The following PPIH variants were observed in gnomAD, a reference collection of about 807,000 sequenced individuals.
PPIH encodes the protein peptidylprolyl isomerase H.
Under a neutral mutation model 27.6 loss-of-function variants are expected in PPIH, and 16 were observed. The observed-to-expected ratio is 0.58, with a 90% CI of 0.39 to 0.88. The LOEUF (loss-of-function observed/expected upper bound fraction) is 0.88, where lower values mean the gene tolerates loss of function less well. Among genes scored for constraint, PPIH ranks in the 40% least tolerant of loss-of-function variants. The pLI is 0.00. For synonymous variants in PPIH, 63 were observed against 76.1 expected, an observed-to-expected ratio of 0.83 and a Z score of 0.90; for missense variants, 155 against 224.1, an observed-to-expected ratio of 0.69 and a Z score of 1.97.
intron 9 of PPIH, among the ~76,000 whole-genome samples, chr1:42,671,830 G>T (rs1428480951): frequency 1.3e-5 from 2 of 151,846 alleles, no homozygotes; most frequent in Non-Finnish European, 2.9e-5. Flanking sequence ...GAGCAGGGGT[G>T]TGGAGGGAAG....
At chr1:42,671,596 C>T (rs1649638761) in intron 9 of PPIH, among the ~76,000 whole-genome samples, 1 of 152,160 alleles carries the variant, frequency 6.6e-6, no homozygotes, top group Non-Finnish European at 1.5e-5. Flanking sequence ...ATAATTAAAG[C>T]AGTTATCCTT....
intron 9 of PPIH, among the ~76,000 whole-genome samples, chr1:42,675,569 T>C (rs1458778207): frequency 6.6e-6 from 1 of 152,262 alleles, no homozygotes; most frequent in African/African-American, 2.4e-5. Flanking sequence ...AGTACATTTA[T>C]ACATTTTCAT....
downstream of PPIH, among the ~76,000 whole-genome samples, chr1:42,678,332 A>C (rs1247610256): frequency 6.6e-6 from 1 of 152,170 alleles, no homozygotes; most frequent in Non-Finnish European, 1.5e-5. Flanking sequence ...GATAGGAGAC[A>C]GGGACAGTTT....
chr1:42,675,294 C>T (rs969410802), intron 9 of PPIH: 1 of 152,172 alleles, frequency 6.6e-6, no homozygotes, highest in Non-Finnish European at 1.5e-5. Context: ...CCAGCACTTC[C>T]CAGGAGCCTG....
Position 42,659,617 on chromosome 1 carries a change from G to A in PPIH, c.200+51G>A, listed in dbSNP as rs199679895. 523 of 1,582,280 alleles carry A rather than the reference G, an allele frequency of 3.3e-4. 5 individuals are homozygous for A. In the South Asian group the frequency reaches 5.7e-3, roughly 17 times the overall value. On this transcript the variant is annotated intron_variant, in intron 4 of 9. Coordinates refer to ENST00000304979, the MANE Select transcript of PPIH (RefSeq NM_006347.4). ...GAGTCTTTCAGAAATATTTCCTGGG[G>A]GATTAGGCTCTTTAGAGGAAAATAA...
intron 9 of PPIH, among the ~76,000 whole-genome samples, chr1:42,668,167 GTTT>G (rs1403101460): frequency 2.6e-5 from 4 of 152,060 alleles, no homozygotes; most frequent in Non-Finnish European, 4.4e-5. Flanking sequence ...GGGTAGTGAT[GTTT>G]TGTTTTTCTT....
chr1:42,679,427 T>C (rs1397829284), downstream of PPIH, among the ~76,000 whole-genome samples: 6 of 152,200 alleles, frequency 3.9e-5, no homozygotes, highest in South Asian at 4.1e-4. Context: ...TGACTTCAAG[T>C]GATCCGCCTG....
intron 5 of PPIH, among the ~76,000 whole-genome samples, chr1:42,664,159 G>A (rs1205748485): frequency 6.6e-6 from 1 of 152,160 alleles, no homozygotes; most frequent in Non-Finnish European, 1.5e-5. Context: ...ATAGAACTAG[G>A]AACTAGAACC....
chr1:42,667,580 T>C (rs1297205622), intron 9 of PPIH, 140 bp downstream of exon 9: 18 of 630,942 alleles, frequency 2.9e-5, no homozygotes, highest in Non-Finnish European at 4.7e-5. Context: ...TCACTTTCCT[T>C]CTCTGAGCAC....
intron 5 of PPIH, among the ~76,000 whole-genome samples, chr1:42,661,140 C>G (rs1648992567): frequency 6.6e-6 from 1 of 152,194 alleles, no homozygotes; most frequent in Non-Finnish European, 1.5e-5. Context: ...TGGTCCAAAT[C>G]TCAGCCTTTT....
intron 7 of PPIH, 90 bp from the exon 8 acceptor site, chr1:42,666,457 G>C: frequency 7.6e-7 from 1 of 1,313,750 alleles, no homozygotes; most frequent in Non-Finnish European, 1.1e-6. Flanking sequence ...TAGTATGAGG[G>C]TTTAATGAGA....
rs1185973357 is a variant in PPIH, at chr1:42,658,828, C to G, written c.67-16C>G. On this transcript the variant is annotated splice_polypyrimidine_tract_variant and intron_variant, in intron 1 of 9. Transcript: ENST00000304979. ...GTCTTGGACTGGGCCTTCTGACACT[C>G]TCCCGCTGATTGCAGGAAGTTGGCC... 6.2e-7 allele frequency: 1 copy of G among 1,614,108 alleles called. No homozygotes were observed. Among genetic ancestry groups the G allele is most frequent in the Non-Finnish European group, 8.5e-7 (1 of 1,179,904 alleles).
chr1:42,658,646 C>A, intron 1 of PPIH, 134 bp downstream of exon 1: 1 of 1,181,042 alleles, frequency 8.5e-7, no homozygotes, highest in Non-Finnish European at 1.2e-6. Flanking sequence ...TACCGACCTG[C>A]CGGGCGGGGG....
chr1:42,658,440 C>T lies in PPIH; in HGVS notation c.-7C>T, dbSNP rs771755262. On this transcript the variant is annotated 5_prime_UTR_variant, in exon 1 of 10. Transcript: ENST00000304979. ...ACGCTCCCGACTTCTGCTTCCGGGT[C>T]GGAGCCATGGCGGTGGCAAATTCAA... The T allele has an allele frequency of 2.5e-6, 4 of 1,613,480 alleles. No homozygotes were observed. Among genetic ancestry groups the T allele is most frequent in the Admixed American group, 3.3e-5 (2 of 60,034 alleles).
chr1:42,658,453 G>A lies in PPIH; in HGVS notation c.7G>A (p.Val3Met). Residue 3 changes from valine to methionine, a missense_variant, in exon 1 of 10, where the codon GTG becomes ATG. By Grantham distance (21) the Val-to-Met change is conservative. Coordinates refer to ENST00000304979, the MANE Select transcript of PPIH (RefSeq NM_006347.4). ...CTGCTTCCGGGTCGGAGCCATGGCG[G>A]TGGCAAATTCAAGTCCTGTTAACCC... MA[V>M]ANSSPVNPVV... is the part of the protein sequence containing the mutation. 2 of 1,614,074 alleles carry A rather than the reference G, an allele frequency of 1.2e-6. No homozygotes were observed. Among genetic ancestry groups the A allele is most frequent in the Non-Finnish European group, 1.7e-6 (2 of 1,179,902 alleles).
At position 42,658,505 on chromosome 1, in the gene PPIH, G is replaced by A; in HGVS notation, c.59G>A (p.Gly20Asp). 6.2e-7 allele frequency: 1 copy of A among 1,614,054 alleles called. No individual in the cohort carries two copies. The highest frequency in any genetic ancestry group is 8.5e-7 in the Non-Finnish European group (1 of 1,179,888). The change falls in exon 1 of 10, where the codon GGC becomes GAC. Residue 20 changes from glycine (G) to aspartate (D), a missense_variant. Gly to Asp is a moderately conservative substitution (Grantham distance 94). Transcript: ENST00000304979. ...GTGGTGTTCTTTGATGTCAGTATTG[G>A]CGGTCAGGTGAGATCCAGGAGGCTG... The part of the protein sequence containing the change: ...NPVVFFDVSI[G>D]GQEVGRMKIE...
intron 8 of PPIH, 31 bp downstream of exon 8, chr1:42,666,618 T>C: frequency 6.2e-7 from 1 of 1,608,656 alleles, no homozygotes; most frequent in African/African-American, 1.3e-5. Context: ...TCTGTTTCTC[T>C]GCCATTGTGG....
At chr1:42,658,651 C>CG in intron 1 of PPIH, 139 bp downstream of exon 1, 1 of 1,165,574 alleles carries the variant, frequency 8.6e-7, no homozygotes, top group Non-Finnish European at 1.2e-6. Context: ...ACCTGCCGGG[C>CG]GGGGGGAAAG....
At chr1:42,658,685 C>CT in intron 1 of PPIH, 159 bp from the exon 2 acceptor site, 1 of 1,119,048 alleles carries the variant, frequency 8.9e-7, no homozygotes. Flanking sequence ...CTCCCCAATC[C>CT]TAGCGCCCCG....
Sources: allele counts gnomAD v4.1 joint callset (sites outside exome capture counted in the v4.1 genomes callset), GRCh38; gene constraint gnomAD v4.1.1; transcripts MANE v1.5; gene names NCBI Gene and HGNC (gene_info 2026-07-23, HGNC 2026-07-21).